Variants in VPS37B observed in about 807,000 individuals in gnomAD.
VPS37B encodes VPS37B subunit of ESCRT-I, also known as vacuolar protein sorting-associated protein 37B.
A neutral mutation model predicts 21.2 loss-of-function variants in VPS37B; 11 were observed. The ratio of observed to expected loss-of-function variants is 0.52; its 90% CI spans 0.33 to 0.86. The LOEUF (loss-of-function observed/expected upper bound fraction) is 0.86. Ranked by LOEUF, VPS37B falls within the 40% of genes least tolerant of loss-of-function variation. The pLI is 0.03. For missense variants in VPS37B, 389 were observed against 374.8 expected, an observed-to-expected ratio of 1.04 and a Z score of -0.31; for synonymous variants, 175 against 159.6, an observed-to-expected ratio of 1.10 and a Z score of -0.73.
Position 122,896,038 on chromosome 12 carries a change from G to T in VPS37B, c.25C>A (p.Arg9=). The change falls in exon 1 of 4, where the codon CGG becomes AGG. Residue 9 remains arginine, a synonymous_variant. Transcript: ENST00000267202. MAGAGSEA[R]FAGLSLVQLN... is the part of the protein sequence containing the mutation. ...TGCACCAGCGACAGCCCGGCGAACC[G>T]GGCTTCGCTCCCGGCGCCCGCCATC... The T allele has an allele frequency of 6.3e-7, 1 of 1,587,454 alleles. No individual in the cohort carries two copies. The highest frequency in any genetic ancestry group is 1.7e-5 in the Admixed American group (1 of 58,114).
intron 1 of VPS37B, chr12:122,885,765 G>C (rs1001006671): frequency 1.5e-5 from 2 of 134,874 alleles, no homozygotes; most frequent in Non-Finnish European, 3.1e-5. Flanking sequence ...CTCACTGCAA[G>C]CTCCGCCTCC....
chr12:122,888,668 T>C, intron 1 of VPS37B: 1 of 450,024 alleles, frequency 2.2e-6, no homozygotes, highest in South Asian at 1.6e-5. Context: ...TACTTCTGGG[T>C]TCCTCTTCCA....
At position 122,868,890 on chromosome 12, in the gene VPS37B, CGT is replaced by C. The variant is rs912911804; in HGVS notation, c.284-330_284-329del. ...CTCAAGTGTGTAAGTCAAATTTCCA[CGT>C]GTTTAACCGCCAACCACCACCCCCC... On this transcript the variant is annotated intron_variant, in intron 2 of 3. Transcript: ENST00000267202. This position sits in a 1 kb window ranked among gnomAD's most constrained non-coding sequence, Gnocchi z 5.5. 6.6e-6 allele frequency among the ~76,000 whole-genome samples: 1 copy of C among 152,168 alleles called. No homozygotes were observed. Among genetic ancestry groups the C allele is most frequent in the African/African-American group, 2.4e-5 (1 of 41,440 alleles).
In VPS37B at chr12:122,868,433, A is replaced by G. The variant is rs1593904410; in HGVS notation, c.366+47T>C. 1 of 1,576,200 alleles carries G rather than the reference A, an allele frequency of 6.3e-7. No individual in the cohort carries two copies. The highest frequency in any genetic ancestry group is 8.7e-7 in the Non-Finnish European group (1 of 1,153,662). ...GTCCCTGGAGGCAGCGGGCCCACGG[A>G]CTGCCCAAAGCGCCCCAAGGATTCC... On this transcript the variant is annotated intron_variant, in intron 3 of 3. Coordinates refer to ENST00000267202, the MANE Select transcript of VPS37B (RefSeq NM_024667.3). The surrounding 1 kb of genome is among the most constrained non-coding windows in gnomAD (Gnocchi z 5.5).
At chr12:122,881,927 T>C (rs1463955077) in intron 1 of VPS37B, 2 of 152,242 alleles carry the variant, frequency 1.3e-5, no homozygotes, top group Non-Finnish European at 2.9e-5. Context: ...TCTTCATCTA[T>C]ATTCCCGCTT....
chr12:122,870,774 G>A, intron 2 of VPS37B, 116 bp downstream of exon 2: 1 of 1,025,436 alleles, frequency 9.8e-7, no homozygotes, highest in Non-Finnish European at 1.4e-6. Flanking sequence ...TTGCAGTAGA[G>A]TCGCTATCTT....
In VPS37B at chr12:122,866,220, C is replaced by CCT. The variant is rs2033897660; in HGVS notation, c.*895_*896insAG. The CCT allele has an allele frequency of 6.5e-6, 1 of 152,692 alleles. No individual in the cohort carries two copies. Among genetic ancestry groups the CCT allele is most frequent in the African/African-American group, 2.4e-5 (1 of 41,448 alleles). The allele number at this position is 152,692 out of a possible 1,614,324, so 9.5% of individuals were successfully genotyped here. On this transcript the variant is annotated 3_prime_UTR_variant, in exon 4 of 4. Coordinates refer to ENST00000267202, the MANE Select transcript of VPS37B (RefSeq NM_024667.3). ...CCCGAGGGGGGGGCACCGTGCACTG[C>CCT]TTGCACAAAAGGAAATTGCATCCAC...
At chr12:122,886,969 G>A (rs764371816) in intron 1 of VPS37B, 5 of 152,216 alleles carry the variant, frequency 3.3e-5, no homozygotes, top group Middle Eastern at 3.4e-3. Flanking sequence ...ATTTTTGTAC[G>A]GCTTTTATGA....
chr12:122,869,327 C>T (rs1406913976), intron 2 of VPS37B, among the ~76,000 whole-genome samples: 17 of 152,232 alleles, frequency 1.1e-4, no homozygotes, highest in Admixed American at 6.5e-5. Context: ...GCAGCGCATA[C>T]ACACTCTTCA....
intron 1 of VPS37B, among the ~76,000 whole-genome samples, chr12:122,892,248 G>A (rs183100079): frequency 2.0e-5 from 3 of 152,194 alleles, no homozygotes; most frequent in Non-Finnish European, 2.9e-5. Flanking sequence ...TGAACAGGAG[G>A]AACAGGAAGA....
At chr12:122,878,581 T>C (rs942893693) in intron 1 of VPS37B, 2 of 150,042 alleles carry the variant, frequency 1.3e-5, no homozygotes, top group Non-Finnish European at 3.0e-5. Flanking sequence ...TATCTGGAAA[T>C]GAAACAATCA....
intron 1 of VPS37B, chr12:122,880,077 G>A (rs2034222819): frequency 6.6e-6 from 1 of 152,052 alleles, no homozygotes; most frequent in South Asian, 2.1e-4. Flanking sequence ...TCGTGCCAAT[G>A]TACTCCAAAA....
Position 122,867,624 on chromosome 12 carries a change from C to CCT in VPS37B, c.367-19_367-18dup. The CCT allele has an allele frequency of 6.2e-7, 1 of 1,610,754 alleles. No homozygotes were observed. The highest frequency in any genetic ancestry group is 1.1e-5 in the South Asian group (1 of 91,084). On this transcript the variant is annotated splice_polypyrimidine_tract_variant and intron_variant, in intron 3 of 3. Transcript: ENST00000267202. The surrounding 1 kb of genome is among the most constrained non-coding windows in gnomAD (Gnocchi z 5.5). ...TGCCATGTTCTGAAAGAGGCAGAAACCTGGTTACAGGGACAGCCAGATGGG... is the reference window on the plus strand; with the variant it reads ...TGCCATGTTCTGAAAGAGGCAGAAACCTCTGGTTACAGGGACAGCCAGATGGG...
rs780898122 is a variant in VPS37B at position 122,896,080 on chromosome 12, C to G, written c.-18G>C. Reference sequence around the variant, plus strand: ...CCCGCCATCCCCACGTCTCGGCCGTCGTCGCCACCGCCGCTGCGGCCACCA... The same window carrying G: ...CCCGCCATCCCCACGTCTCGGCCGTGGTCGCCACCGCCGCTGCGGCCACCA... On this transcript the variant is annotated 5_prime_UTR_variant, in exon 1 of 4. Transcript: ENST00000267202. 67 of 1,557,550 alleles carry G rather than the reference C, an allele frequency of 4.3e-5. No homozygotes were observed. In the African/African-American group the frequency reaches 8.9e-4, roughly 21 times the overall value.
intron 1 of VPS37B, among the ~76,000 whole-genome samples, chr12:122,891,397 CCTTT>C (rs2034408736): frequency 6.6e-6 from 1 of 152,220 alleles, no homozygotes; most frequent in African/African-American, 2.4e-5. Context: ...TATTATCCTT[CCTTT>C]AACAGTTGAG....
chr12:122,894,431 G>T (rs1162274119), intron 1 of VPS37B, among the ~76,000 whole-genome samples: 1 of 152,228 alleles, frequency 6.6e-6, no homozygotes, highest in Non-Finnish European at 1.5e-5. Flanking sequence ...GATCTGTTGA[G>T]GGTTTTCCAG....
Position 122,868,635 on chromosome 12 carries a change from C to T in VPS37B, c.284-73G>A. ...AAGCCCTTCATGATGCCAACCACGG[C>T]AGGATTGCACCTTCCTTTCCAGGAA... On this transcript the variant is annotated intron_variant, in intron 2 of 3. Coordinates refer to ENST00000267202, the MANE Select transcript of VPS37B (RefSeq NM_024667.3). This position sits in a 1 kb window ranked among gnomAD's most constrained non-coding sequence, Gnocchi z 5.5. 3.1e-6 allele frequency: 4 copies of T among 1,277,046 alleles called. No homozygotes were observed. Among genetic ancestry groups the T allele is most frequent in the Non-Finnish European group, 4.5e-6 (4 of 896,950 alleles). The allele number at this position is 1,277,046 out of a possible 1,614,324, so 79.1% of individuals were successfully genotyped here.
At chr12:122,884,406 T>C (rs1028248449) in intron 1 of VPS37B, 1 of 152,256 alleles carries the variant, frequency 6.6e-6, no homozygotes, top group African/African-American at 2.4e-5. Flanking sequence ...TTTATATCTA[T>C]GCTTTCCAAA....
intron 1 of VPS37B, chr12:122,871,793 A>AG: frequency 1.0e-6 from 1 of 964,722 alleles, no homozygotes; most frequent in Non-Finnish European, 1.2e-6. Context: ...GAACGACAGG[A>AG]GTAGAAGGTC....
Sources: gnomAD v4.1 joint callset for allele counts (sites outside exome capture counted in the v4.1 genomes callset) on GRCh38, gnomAD v4.1.1 for gene constraint, Gnocchi (gnomAD v3.1) non-coding constraint, MANE v1.5 for transcripts, NCBI Gene and HGNC (gene_info 2026-07-23, HGNC 2026-07-21) for gene names.